The following ATL2 variants were observed in gnomAD, a reference collection of about 807,000 sequenced individuals.
ATL2 encodes atlastin-2.
A neutral mutation model predicts 73.9 loss-of-function variants in ATL2; 31 were observed. The ratio of observed to expected loss-of-function variants is 0.42; its 90% CI spans 0.32 to 0.57. The LOEUF (loss-of-function observed/expected upper bound fraction) is 0.57, where lower values mean the gene tolerates loss of function less well. Ranked by LOEUF, ATL2 falls within the 20% of genes least tolerant of loss-of-function variation. The pLI is 0.14. For missense variants in ATL2, 738 were observed against 702.6 expected (o/e 1.05, Z -0.57); for synonymous variants, 291 against 237.5 (o/e 1.23, Z -2.07).
intron 9 of ATL2, among the ~76,000 whole-genome samples, chr2:38,304,363 A>G (rs1231776197): frequency 6.6e-6 from 1 of 152,244 alleles, no homozygotes; most frequent in African/African-American, 2.4e-5. Flanking sequence ...GAATTTTATC[A>G]ACATCAGACC....
intron 1 of ATL2, among the ~76,000 whole-genome samples, chr2:38,347,496 C>G (rs1479139500): frequency 6.6e-6 from 1 of 152,186 alleles, no homozygotes; most frequent in Non-Finnish European, 1.5e-5. Context: ...ATCACAGATC[C>G]CTTTCCTTAA....
chr2:38,329,623 C>A (rs976569322), intron 2 of ATL2, among the ~76,000 whole-genome samples: 10 of 151,640 alleles, frequency 6.6e-5, no homozygotes, highest in Non-Finnish European at 1.2e-4. Flanking sequence ...AATACCAAAA[C>A]CAGACAAAGA....
In ATL2 at chr2:38,370,703, T is replaced by C. The variant is rs890055730; in HGVS notation, c.118+6440A>G. 1.1e-4 allele frequency among the ~76,000 whole-genome samples: 17 copies of C among 151,834 alleles called. 1 individual carries two copies. In the South Asian group the frequency reaches 2.5e-3, roughly 22 times the overall value. On this transcript the variant is annotated intron_variant, in intron 1 of 12. Coordinates refer to ENST00000378954, the MANE Select transcript of ATL2 (RefSeq NM_001135673.4). The stretch of plus-strand genomic sequence containing the variant: ...AATCTCTTGAACCCAGAGGTGGAGG[T>C]TGCAGTGAGCCAAGACTGTGCCACT...
At chr2:38,376,955 T>C (rs1416002996) in intron 1 of ATL2, among the ~76,000 whole-genome samples, 188 bp downstream of exon 1, 1 of 151,002 alleles carries the variant, frequency 6.6e-6, no homozygotes, top group Non-Finnish European at 1.5e-5. Flanking sequence ...AGCCGCCCTT[T>C]CAGGCCGCGC....
At chr2:38,340,093 T>G (rs997795707) in intron 2 of ATL2, among the ~76,000 whole-genome samples, 1 of 147,678 alleles carries the variant, frequency 6.8e-6, no homozygotes, top group Admixed American at 7.1e-5. Context: ...ATACCTATGG[T>G]ATGATTTCAT....
At chr2:38,315,533 A>G (rs921986971) in intron 4 of ATL2, among the ~76,000 whole-genome samples, 199 bp from the exon 5 acceptor site, 1 of 152,174 alleles carries the variant, frequency 6.6e-6, no homozygotes, top group Admixed American at 6.5e-5. Context: ...ATTAAGGAAG[A>G]AGCAGTGGTG....
Position 38,313,880 on chromosome 2 carries a change from G to A in ATL2, c.712-637C>T, listed in dbSNP as rs565945421. On this transcript the variant is annotated intron_variant, in intron 6 of 12. Transcript: ENST00000378954. ...GACATTAGCAAATGTCCCCTTGGGT[G>A]GCAAAATGATCCCAGTTCAGAAAAA... 2.1e-4 allele frequency among the ~76,000 whole-genome samples: 32 copies of A among 152,218 alleles called. No homozygotes were observed. In the East Asian group the frequency reaches 6.0e-3, roughly 28 times the overall value.
At chr2:38,313,619 G>A (rs1466420117) in intron 6 of ATL2, among the ~76,000 whole-genome samples, 1 of 152,112 alleles carries the variant, frequency 6.6e-6, no homozygotes, top group African/African-American at 2.4e-5. Context: ...TTATAGATCT[G>A]GGGTCAATAA....
chr2:38,314,851 A>C (rs911185895), intron 5 of ATL2, among the ~76,000 whole-genome samples, 187 bp from the exon 6 acceptor site: 1 of 152,252 alleles, frequency 6.6e-6, no homozygotes, highest in African/African-American at 2.4e-5. Context: ...CACCAGTTTA[A>C]ACCCATATAA....
upstream of ATL2, chr2:38,377,423 C>A (rs1672060006): frequency 3.5e-6 from 2 of 579,446 alleles, no homozygotes. Flanking sequence ...TGTATCTCCT[C>A]GCCCTCCCTC....
In ATL2 at chr2:38,319,604, C is replaced by CAA. The variant is rs56693226; in HGVS notation, c.364-587_364-586dup. On this transcript the variant is annotated intron_variant, in intron 2 of 12. Transcript: ENST00000378954. ...ACAGAGTGAGATCCTGCCTCAAAAA[C>CAA]AAAAAAAAAAAAGAGAGAGAGAGAG... Among the ~76,000 whole-genome samples the CAA allele has an allele frequency of 6.8e-3, 858 of 126,906 alleles. 24 individuals carry two copies. The highest frequency in any genetic ancestry group is 0.05 in the Admixed American group (630 of 12,712). The allele number at this position is 126,906 out of a possible 152,430, so 83.3% of individuals were successfully genotyped here. A position where few individuals can be genotyped will look rare whatever the true frequency, so the allele number is the denominator to read the frequency against.
chr2:38,303,950 G>C (rs1287823105), intron 9 of ATL2, among the ~76,000 whole-genome samples: 1 of 152,102 alleles, frequency 6.6e-6, no homozygotes, highest in African/African-American at 2.4e-5. Context: ...GGACAACGTA[G>C]AGAAATGACG....
chr2:38,307,647 C>T (rs546766808), intron 9 of ATL2, among the ~76,000 whole-genome samples: 2 of 152,078 alleles, frequency 1.3e-5, no homozygotes, highest in African/African-American at 4.8e-5. Context: ...AGCTTTTGCA[C>T]ATCAGAAAAG....
At chr2:38,345,363 T>C (rs1317536346) in intron 1 of ATL2, among the ~76,000 whole-genome samples, 1 of 152,196 alleles carries the variant, frequency 6.6e-6, no homozygotes, top group Non-Finnish European at 1.5e-5. Flanking sequence ...TATAACTACA[T>C]TAGTGGATTT....
intron 2 of ATL2, among the ~76,000 whole-genome samples, chr2:38,328,403 C>T (rs979200926): frequency 3.3e-5 from 5 of 152,144 alleles, no homozygotes; most frequent in African/African-American, 1.2e-4. Flanking sequence ...AGAACATTCA[C>T]CAAGGTAGAC....
chr2:38,301,140 T>C (rs1241696634), intron 9 of ATL2, among the ~76,000 whole-genome samples: 1 of 152,080 alleles, frequency 6.6e-6, no homozygotes, highest in Non-Finnish European at 1.5e-5. Flanking sequence ...CCAGCTAATT[T>C]CGTATTTTTA....
intron 2 of ATL2, among the ~76,000 whole-genome samples, chr2:38,335,217 C>G (rs1669283879): frequency 6.6e-6 from 1 of 151,794 alleles, no homozygotes; most frequent in East Asian, 1.9e-4. Flanking sequence ...GGGTATTTCC[C>G]CCTGTGACCC....
chr2:38,300,271 C>A lies in ATL2; in HGVS notation c.1128+1G>T. On this transcript the variant is annotated splice_donor_variant, in intron 10 of 12. Coordinates refer to ENST00000378954, the MANE Select transcript of ATL2 (RefSeq NM_001135673.4). LOFTEE classifies it high-confidence loss of function. Reference sequence around the variant, plus strand: ...ACACATATCACTCTCTCTCTCTCTACCTGAAGCATGGACTTTGGATGTGGA... The same window carrying A: ...ACACATATCACTCTCTCTCTCTCTAACTGAAGCATGGACTTTGGATGTGGA... The A allele has an allele frequency of 6.3e-7, 1 of 1,591,344 alleles. No homozygotes were observed. Among genetic ancestry groups the A allele is most frequent in the Non-Finnish European group, 8.6e-7 (1 of 1,160,426 alleles).
chr2:38,305,348 G>C (rs1258576639), intron 9 of ATL2, among the ~76,000 whole-genome samples: 1 of 152,188 alleles, frequency 6.6e-6, no homozygotes, highest in African/African-American at 2.4e-5. Flanking sequence ...AGGAGTTTGA[G>C]ACCAGCCTGG....
Sources: allele counts gnomAD v4.1 joint callset (sites outside exome capture counted in the v4.1 genomes callset), GRCh38; gene constraint gnomAD v4.1.1; transcripts MANE v1.5; gene names NCBI Gene and HGNC (gene_info 2026-07-23, HGNC 2026-07-21).